AUH: variants seen among roughly 807,000 people sequenced by gnomAD.
AUH encodes AU RNA binding methylglutaconyl-CoA hydratase.
Under a neutral mutation model 42.3 loss-of-function variants are expected in AUH, and 29 were observed. That is an observed-to-expected ratio of 0.69 (90% CI 0.51 to 0.93). The LOEUF (loss-of-function observed/expected upper bound fraction) is 0.93, where lower values mean the gene tolerates loss of function less well. Among genes scored for constraint, AUH ranks in the 40% least tolerant of loss-of-function variants. AUH has a pLI of 0.00. For synonymous variants in AUH, 174 were observed against 166.4 expected, an observed-to-expected ratio of 1.05 and a Z score of -0.35; for missense variants, 452 against 438.1, an observed-to-expected ratio of 1.03 and a Z score of -0.28.
At chr9:91,332,178 T>C (rs1043888252) in intron 3 of AUH, among the ~76,000 whole-genome samples, 16 of 152,162 alleles carry the variant, frequency 1.1e-4, no homozygotes, top group African/African-American at 3.9e-4. Flanking sequence ...AGTGATTTGG[T>C]TCTCAAAATC....
intron 6 of AUH, among the ~76,000 whole-genome samples, chr9:91,260,424 G>A (rs533123847): frequency 1.1e-4 from 16 of 152,008 alleles, no homozygotes; most frequent in Middle Eastern, 3.4e-3. Context: ...TGTCTTCTTT[G>A]GAATGAGTGT....
rs186075978 is a variant in AUH, at chr9:91,307,954, A to G, written c.506-9878T>C. Among the ~76,000 whole-genome samples, 10 of 152,344 alleles carry G rather than the reference A, an allele frequency of 6.6e-5. No homozygotes were observed. The East Asian group carries it at 1.5e-3, about 23-fold the overall frequency. On this transcript the variant is annotated intron_variant, in intron 4 of 9. Transcript: ENST00000375731. ...AATACACAAATTCTGTCATTGTTCA[A>G]TAGAACTTTCTAAAGAAACAGTGGA... is the stretch of plus-strand genomic sequence containing the variant.
At chr9:91,266,542 C>A (rs959722750) in intron 6 of AUH, among the ~76,000 whole-genome samples, 1 of 152,234 alleles carries the variant, frequency 6.6e-6, no homozygotes, top group South Asian at 2.1e-4. Flanking sequence ...AAACCCTGAG[C>A]AAAGCCCTCT....
At chr9:91,356,287 TC>T in intron 1 of AUH, 132 bp from the exon 2 acceptor site, 1 of 760,784 alleles carries the variant, frequency 1.3e-6, no homozygotes, top group South Asian at 1.5e-5. Context: ...TTCCCTTCAA[TC>T]GATCTCTTCT....
rs118057490 is a variant in AUH, at chr9:91,231,867, T to C, written c.656-10875A>G. On this transcript the variant is annotated intron_variant, in intron 6 of 9. Transcript: ENST00000375731. ...CCAGGACACTCCTGCAGATACTCCA[T>C]AGTACTACAGAGTATGAGGAGAAAT... is the stretch of plus-strand genomic sequence containing the variant. Among the ~76,000 whole-genome samples, 12 of 152,226 alleles carry C rather than the reference T, an allele frequency of 7.9e-5. No individual in the cohort carries two copies. In the East Asian group the frequency reaches 1.9e-3, roughly 24 times the overall value.
chr9:91,359,468 CT>C (rs963115123), intron 1 of AUH, among the ~76,000 whole-genome samples: 1 of 150,538 alleles, frequency 6.6e-6, no homozygotes, highest in Non-Finnish European at 1.5e-5. Context: ...TACATTTTTT[CT>C]TTTTTTTTAA....
At chr9:91,277,682 G>A (rs920986491) in intron 6 of AUH, among the ~76,000 whole-genome samples, 1 of 152,086 alleles carries the variant, frequency 6.6e-6, no homozygotes, top group Non-Finnish European at 1.5e-5. Context: ...TATTGGGGCT[G>A]TTTTCCCTAT....
intron 4 of AUH, among the ~76,000 whole-genome samples, chr9:91,309,141 G>A (rs2131741303): frequency 6.6e-6 from 1 of 151,882 alleles, no homozygotes; most frequent in East Asian, 2.0e-4. Context: ...GCCAGGCGTG[G>A]TGGCTCATGC....
At chr9:91,245,769 T>C (rs1223810239) in intron 6 of AUH, among the ~76,000 whole-genome samples, 1 of 152,142 alleles carries the variant, frequency 6.6e-6, no homozygotes, top group South Asian at 2.1e-4. Context: ...AGGCCTAAGG[T>C]AGGGCCTGGA....
At chr9:91,338,142 G>C (rs776326495) in intron 3 of AUH, among the ~76,000 whole-genome samples, 6 of 152,140 alleles carry the variant, frequency 3.9e-5, no homozygotes, top group Non-Finnish European at 8.8e-5. Context: ...TAGAATTCAA[G>C]GCTCTAATAA....
chr9:91,216,184 A>C, intron 8 of AUH, 78 bp from the exon 9 acceptor site: 1 of 1,379,678 alleles, frequency 7.2e-7, no homozygotes, highest in Non-Finnish European at 1.0e-6. Context: ...TTCAAATTGA[A>C]TAACCTTATC....
chr9:91,347,460 C>T (rs897876559), intron 3 of AUH, among the ~76,000 whole-genome samples: 1 of 152,170 alleles, frequency 6.6e-6, no homozygotes, highest in African/African-American at 2.4e-5. Context: ...GAATCTCTGG[C>T]CCCTTTCCCC....
chr9:91,249,367 G>T (rs994397225), intron 6 of AUH, among the ~76,000 whole-genome samples: 3 of 150,764 alleles, frequency 2.0e-5, no homozygotes, highest in Admixed American at 2.0e-4. Flanking sequence ...CTGTAAGAGG[G>T]GGTTTGGGGA....
chr9:91,272,450 A>G (rs1044941280), intron 6 of AUH, among the ~76,000 whole-genome samples: 1 of 152,178 alleles, frequency 6.6e-6, no homozygotes, highest in African/African-American at 2.4e-5. Flanking sequence ...GAAATCCTGA[A>G]GCCGAGAGCA....
At chr9:91,320,151 A>C (rs1829458654) in intron 4 of AUH, among the ~76,000 whole-genome samples, 1 of 152,226 alleles carries the variant, frequency 6.6e-6, no homozygotes, top group Non-Finnish European at 1.5e-5. Context: ...ATAATCATTC[A>C]GTTTTAGTAT....
chr9:91,261,488 G>T (rs1191448190), intron 6 of AUH, among the ~76,000 whole-genome samples: 2 of 152,028 alleles, frequency 1.3e-5, no homozygotes, highest in African/African-American at 4.8e-5. Context: ...TCTGCTTACA[G>T]TTCTCTTTCT....
chr9:91,310,423 G>C lies in AUH; in HGVS notation c.506-12347C>G, dbSNP rs147362829. Among the ~76,000 whole-genome samples the C allele has an allele frequency of 2.1e-3, 315 of 152,218 alleles. 1 individual carries two copies. The highest frequency in any genetic ancestry group is 7.3e-3 in the African/African-American group (302 of 41,550). ...TAAGCCAATTTGCCCTCTCAATCAG[G>C]TACCTACCATGTGCTCATTACTAGA... is the stretch of plus-strand genomic sequence containing the variant. On this transcript the variant is annotated intron_variant, in intron 4 of 9. Transcript: ENST00000375731.
chr9:91,339,262 G>A (rs1029142097), intron 3 of AUH, among the ~76,000 whole-genome samples: 2 of 152,160 alleles, frequency 1.3e-5, no homozygotes, highest in African/African-American at 2.4e-5. Flanking sequence ...TACTGAATGC[G>A]TATCACTTTT....
intron 3 of AUH, among the ~76,000 whole-genome samples, chr9:91,347,277 C>G (rs1456394360): frequency 1.3e-5 from 2 of 152,018 alleles, no homozygotes; most frequent in Non-Finnish European, 2.9e-5. Context: ...GTTACCCAGG[C>G]TGGTCTCAAA....
Sources: gnomAD v4.1 joint callset for allele counts (sites outside exome capture counted in the v4.1 genomes callset) on GRCh38, gnomAD v4.1.1 for gene constraint, MANE v1.5 for transcripts, NCBI Gene and HGNC (gene_info 2026-07-23, HGNC 2026-07-21) for gene names.